The following RANBP17 variants were observed in gnomAD, a reference collection of about 807,000 sequenced individuals.
RANBP17 encodes ran-binding protein 17.
Under a neutral mutation model 141.2 loss-of-function variants are expected in RANBP17, and 158 were observed. The ratio of observed to expected loss-of-function variants is 1.12; its 90% CI spans 0.98 to 1.28. RANBP17 has a LOEUF of 1.28. Ranked by LOEUF, RANBP17 falls within the 50% of genes most tolerant of loss-of-function variation. RANBP17 has a pLI of 0.00. For synonymous variants in RANBP17, 430 were observed against 450.0 expected, an observed-to-expected ratio of 0.96 and a Z score of 0.56; for missense variants, 1,438 against 1,290.7, an observed-to-expected ratio of 1.11 and a Z score of -1.75.
In RANBP17 at chr5:171,299,899, C is replaced by A. The variant is rs1769023073; in HGVS notation, c.*1041C>A. On this transcript the variant is annotated 3_prime_UTR_variant, in exon 28 of 28. Transcript: ENST00000523189. ...TGTCAAGTGTTTTACTATCTCACTG[C>A]TGTTTTTATGATTCAGGCTTATAAC... 4.8e-6 allele frequency: 1 copy of A among 209,608 alleles called. No homozygotes were observed. Among genetic ancestry groups the A allele is most frequent in the Non-Finnish European group, 9.7e-6 (1 of 103,190 alleles). The allele number at this position is 209,608 out of a possible 1,614,324, so 13.0% of individuals were successfully genotyped here. A position where few individuals can be genotyped will look rare whatever the true frequency, so the allele number is the denominator to read the frequency against.
chr5:170,949,378 C>T (rs982545501), intron 12 of RANBP17, among the ~76,000 whole-genome samples: 1 of 151,826 alleles, frequency 6.6e-6, no homozygotes, highest in African/African-American at 2.4e-5. Flanking sequence ...TTATTACAAC[C>T]CAGTAATGAA....
Position 170,953,645 on chromosome 5 carries a change from G to A in RANBP17, c.1517G>A (p.Arg506Lys). The A allele has an allele frequency of 1.2e-6, 2 of 1,612,332 alleles. No homozygotes were observed. Among genetic ancestry groups the A allele is most frequent in the East Asian group, 4.5e-5 (2 of 44,768 alleles). ...TTAGTTGGGACAGTTGTAGGAGGAAGATTAACATATACCAGTACAGATGAG... is the reference window on the plus strand; with the variant it reads ...TTAGTTGGGACAGTTGTAGGAGGAAAATTAACATATACCAGTACAGATGAG... Reference protein sequence around the residue: ...VYLVGTVVGGRLTYTSTDEHD... With the variant: ...VYLVGTVVGGKLTYTSTDEHD... Residue 506 changes from arginine to lysine, a missense_variant, in exon 13 of 28, where the codon AGA becomes AAA. Transcript: ENST00000523189.
At chr5:171,072,180 T>C (rs1244813037) in intron 14 of RANBP17, among the ~76,000 whole-genome samples, 1 of 152,058 alleles carries the variant, frequency 6.6e-6, no homozygotes, top group Non-Finnish European at 1.5e-5. Context: ...TGATGTTGGC[T>C]TGGAAAATGA....
chr5:171,169,497 A>G (rs1759947217), intron 14 of RANBP17, among the ~76,000 whole-genome samples: 1 of 152,146 alleles, frequency 6.6e-6, no homozygotes, highest in African/African-American at 2.4e-5. Context: ...TCTGCAACCA[A>G]CACTCCCTAA....
intron 12 of RANBP17, among the ~76,000 whole-genome samples, chr5:170,931,285 A>G (rs1773353360): frequency 1.3e-5 from 2 of 152,032 alleles, no homozygotes; most frequent in Admixed American, 1.3e-4. Context: ...AAATTTGTTT[A>G]AGTTCTTTGT....
rs1354524575 is a variant in RANBP17, at chr5:171,183,438, T to A, written c.2038+8T>A. On this transcript the variant is annotated splice_region_variant and intron_variant, in intron 18 of 27. Transcript: ENST00000523189. ...TTCTGATGGTAGATCTGGGTAAGGT[T>A]AAGAATTTAAACTCAATTAATAAGG... 1 of 1,588,478 alleles carries A rather than the reference T, an allele frequency of 6.3e-7. No individual in the cohort carries two copies. The highest frequency in any genetic ancestry group is 8.6e-7 in the Non-Finnish European group (1 of 1,156,758).
At chr5:170,887,489 A>T (rs183476698) in intron 3 of RANBP17, among the ~76,000 whole-genome samples, 56 of 152,296 alleles carry the variant, frequency 3.7e-4, no homozygotes, top group Non-Finnish European at 7.5e-4. Flanking sequence ...CTATGTCAAG[A>T]TTCCTTTTTT....
chr5:171,162,413 G>A (rs1759417163), intron 14 of RANBP17, among the ~76,000 whole-genome samples: 1 of 152,106 alleles, frequency 6.6e-6, no homozygotes, highest in Non-Finnish European at 1.5e-5. Context: ...CTGTCGGGAG[G>A]CATTAGGTTC....
chr5:171,015,002 A>AT (rs1451942763), intron 14 of RANBP17, among the ~76,000 whole-genome samples: 1 of 151,924 alleles, frequency 6.6e-6, no homozygotes, highest in Non-Finnish European at 1.5e-5. Flanking sequence ...TCTCACTTGT[A>AT]TTTTTTATGA....
At chr5:171,162,148 T>C (rs780756579) in intron 14 of RANBP17, among the ~76,000 whole-genome samples, 1 of 152,234 alleles carries the variant, frequency 6.6e-6, no homozygotes, top group Non-Finnish European at 1.5e-5. Context: ...TTGAATGGGC[T>C]TGGGGAGATA....
chr5:171,204,661 C>T (rs149829803), intron 19 of RANBP17, among the ~76,000 whole-genome samples: 3 of 152,244 alleles, frequency 2.0e-5, no homozygotes, highest in Non-Finnish European at 4.4e-5. Context: ...TTCTTTTTCT[C>T]TTCCCAAGCA....
chr5:170,880,903 A>T (rs556453703), intron 2 of RANBP17, among the ~76,000 whole-genome samples: 2 of 152,254 alleles, frequency 1.3e-5, no homozygotes, highest in South Asian at 4.1e-4. Context: ...TAGCTACCTC[A>T]CTGTGGTTTA....
intron 16 of RANBP17, among the ~76,000 whole-genome samples, chr5:171,174,780 G>A (rs1209893079): frequency 6.6e-6 from 1 of 151,190 alleles, no homozygotes; most frequent in Non-Finnish European, 1.5e-5. Flanking sequence ...GTGTGTGTGT[G>A]TGTGTGTGTG....
At chr5:171,008,838 G>A (rs1000481451) in intron 14 of RANBP17, among the ~76,000 whole-genome samples, 3 of 152,116 alleles carry the variant, frequency 2.0e-5, no homozygotes, top group Non-Finnish European at 2.9e-5. Context: ...TGGGCTCAGA[G>A]GCCTGACATA....
intron 5 of RANBP17, chr5:170,904,139 A>G: frequency 2.9e-6 from 1 of 345,714 alleles, no homozygotes; most frequent in Non-Finnish European, 5.7e-6. Context: ...AAAGATTAAA[A>G]CCATCTCTAC....
chr5:171,125,483 T>C (rs1343024416), intron 14 of RANBP17, among the ~76,000 whole-genome samples: 3 of 151,036 alleles, frequency 2.0e-5, no homozygotes, highest in Non-Finnish European at 2.9e-5. Context: ...GTTGTAAATA[T>C]ATATGCACTC....
chr5:170,999,955 G>T (rs543897122), intron 14 of RANBP17, among the ~76,000 whole-genome samples: 1 of 152,260 alleles, frequency 6.6e-6, no homozygotes, highest in East Asian at 1.9e-4. Flanking sequence ...CTCAGTGATT[G>T]TGACAACCCT....
chr5:171,032,568 A>G (rs1251583637), intron 14 of RANBP17, among the ~76,000 whole-genome samples: 2 of 152,144 alleles, frequency 1.3e-5, no homozygotes, highest in Non-Finnish European at 2.9e-5. Flanking sequence ...ATTCCCCTGT[A>G]TATCTGTATA....
At chr5:171,111,732 C>T (rs1755245432) in intron 14 of RANBP17, among the ~76,000 whole-genome samples, 1 of 152,216 alleles carries the variant, frequency 6.6e-6, no homozygotes, top group African/African-American at 2.4e-5. Flanking sequence ...GGAATGCTCT[C>T]TAACTTTCTG....
Sources: allele counts gnomAD v4.1 joint callset (sites outside exome capture counted in the v4.1 genomes callset), GRCh38; gene constraint gnomAD v4.1.1; transcripts MANE v1.5; gene names NCBI Gene and HGNC (gene_info 2026-07-23, HGNC 2026-07-21).